The following MSR1 variants were observed in gnomAD, a reference collection of about 807,000 sequenced individuals.
The protein encoded by MSR1 is macrophage scavenger receptor 1.
A neutral mutation model predicts 47.2 loss-of-function variants in MSR1; 53 were observed. The observed-to-expected ratio is 1.12, with a 90% CI of 0.90 to 1.41. The LOEUF (loss-of-function observed/expected upper bound fraction) is 1.41. Among genes scored for constraint, MSR1 ranks in the 40% most tolerant of loss-of-function variants. MSR1 has a pLI of 0.00. For synonymous variants in MSR1, 239 were observed against 185.6 expected (o/e 1.29, Z -2.34); for missense variants, 786 against 546.9 (o/e 1.44, Z -4.36).
At chr8:16,150,851 A>ACAC (rs1800835939) in intron 6 of MSR1, among the ~76,000 whole-genome samples, 1 of 142,042 alleles carries the variant, frequency 7.0e-6, no homozygotes, top group Admixed American at 7.1e-5. Flanking sequence ...CATAAACATA[A>ACAC]ACACACACAC....
At chr8:16,170,847 C>T (rs1339641745) in intron 3 of MSR1, among the ~76,000 whole-genome samples, 1 of 152,120 alleles carries the variant, frequency 6.6e-6, no homozygotes, top group African/African-American at 2.4e-5. Flanking sequence ...TTGGTTTTCT[C>T]AATTTGTAAA....
intron 8 of MSR1, among the ~76,000 whole-genome samples, chr8:16,130,119 C>G (rs1432493303): frequency 3.3e-5 from 5 of 152,128 alleles, no homozygotes; most frequent in Admixed American, 6.6e-5. Context: ...TGAGAGTCAG[C>G]TGGGATAGGG....
intron 9 of MSR1, among the ~76,000 whole-genome samples, chr8:16,117,600 G>A (rs187065): frequency 0.046 from 6,954 of 152,096 alleles, 536 homozygotes; most frequent in African/African-American, 0.16. Flanking sequence ...TTAAACTTTC[G>A]AAGCAGAATA....
chr8:16,177,191 A>C (rs1034322096), intron 2 of MSR1, among the ~76,000 whole-genome samples: 1 of 152,178 alleles, frequency 6.6e-6, no homozygotes, highest in African/African-American at 2.4e-5. Context: ...AGTTTTAACC[A>C]TAGGTACCAG....
At chr8:16,187,486 G>C (rs1273925118) in intron 1 of MSR1, among the ~76,000 whole-genome samples, 2 of 151,026 alleles carry the variant, frequency 1.3e-5, no homozygotes, top group Non-Finnish European at 2.9e-5. Flanking sequence ...CCCCACCCTG[G>C]CTTCATTTTC....
intron 2 of MSR1, 133 bp downstream of exon 2, chr8:16,177,753 A>G: frequency 9.8e-6 from 7 of 712,250 alleles, no homozygotes; most frequent in Non-Finnish European, 1.7e-5. Context: ...TGTCTCAAGA[A>G]TACCCCTGTT....
chr8:16,163,948 A>T, intron 5 of MSR1, 117 bp downstream of exon 5: 1 of 796,360 alleles, frequency 1.3e-6, no homozygotes, highest in Non-Finnish European at 1.9e-6. Flanking sequence ...TTTGCAGTAA[A>T]TGTAAGCTCA....
chr8:16,140,836 A>G, intron 8 of MSR1: 1 of 1,562,432 alleles, frequency 6.4e-7, no homozygotes, highest in Middle Eastern at 1.8e-4. Flanking sequence ...AGCACCAGGG[A>G]CCAGGAGAGA....
At chr8:16,172,326 T>G (rs1448983410) in intron 3 of MSR1, among the ~76,000 whole-genome samples, 1 of 152,176 alleles carries the variant, frequency 6.6e-6, no homozygotes, top group Non-Finnish European at 1.5e-5. Context: ...TGACAGTAAA[T>G]GCTACATTTT....
At chr8:16,185,455 A>G (rs369314351) in intron 1 of MSR1, among the ~76,000 whole-genome samples, 9 of 152,104 alleles carry the variant, frequency 5.9e-5, no homozygotes, top group Admixed American at 2.0e-4. Context: ...TACATCATCT[A>G]TTTATTATCA....
chr8:16,173,366 C>T (rs1396450369), intron 3 of MSR1, among the ~76,000 whole-genome samples: 2 of 152,164 alleles, frequency 1.3e-5, no homozygotes, highest in African/African-American at 4.8e-5. Context: ...GTGATGAAAT[C>T]TACTCAAATT....
At chr8:16,124,529 T>A (rs1800083755) in intron 8 of MSR1, among the ~76,000 whole-genome samples, 1 of 152,182 alleles carries the variant, frequency 6.6e-6, no homozygotes, top group African/African-American at 2.4e-5. Context: ...ACTTTATATA[T>A]AACTACTCAC....
At chr8:16,120,634 AAAAAAAAGGC>A in intron 8 of MSR1, 28 bp from the exon 9 acceptor site, 1 of 1,559,856 alleles carries the variant, frequency 6.4e-7, no homozygotes, top group Non-Finnish European at 8.6e-7. Flanking sequence ...AAAAAAAAAA[AAAAAAAAGGC>A]AAGCAAGGAC....
chr8:16,111,337 CAG>C (rs575983724), intron 9 of MSR1, among the ~76,000 whole-genome samples: 17 of 152,034 alleles, frequency 1.1e-4, no homozygotes, highest in Admixed American at 3.3e-4. Flanking sequence ...TATAAACAAA[CAG>C]AAATTAAACT....
At chr8:16,168,933 T>C in intron 3 of MSR1, 63 bp from the exon 4 acceptor site, 2 of 1,449,842 alleles carry the variant, frequency 1.4e-6, no homozygotes, top group Non-Finnish European at 1.9e-6. Flanking sequence ...CAGGATCCCA[T>C]CCCATATCAT....
chr8:16,153,809 G>T (rs1046382915), intron 6 of MSR1, among the ~76,000 whole-genome samples: 3 of 151,862 alleles, frequency 2.0e-5, no homozygotes, highest in Non-Finnish European at 2.9e-5. Context: ...GGTAGTTCTG[G>T]CAGCAGATTT....
At chr8:16,143,721 T>C (rs1800624338) in intron 7 of MSR1, 110 bp from the exon 8 acceptor site, 1 of 749,648 alleles carries the variant, frequency 1.3e-6, no homozygotes, top group Non-Finnish European at 2.3e-6. Context: ...AATGGACAGA[T>C]ATTGAAATGT....
At chr8:16,150,506 C>G (rs1246379538) in intron 6 of MSR1, among the ~76,000 whole-genome samples, 195 bp from the exon 7 acceptor site, 1 of 151,930 alleles carries the variant, frequency 6.6e-6, no homozygotes, top group Non-Finnish European at 1.5e-5. Flanking sequence ...TTAGTACATT[C>G]AGCACATTGT....
chr8:16,111,855 T>A (rs1799763152), intron 9 of MSR1, among the ~76,000 whole-genome samples: 1 of 152,222 alleles, frequency 6.6e-6, no homozygotes, highest in African/African-American at 2.4e-5. Flanking sequence ...GAACTGTACG[T>A]GCTCAAAGTC....
Sources: allele counts gnomAD v4.1 joint callset (sites outside exome capture counted in the v4.1 genomes callset), GRCh38; gene constraint gnomAD v4.1.1; transcripts MANE v1.5; gene names NCBI Gene and HGNC (gene_info 2026-07-23, HGNC 2026-07-21).